The following ENPP3 variants were observed in gnomAD, a reference collection of about 807,000 sequenced individuals.
ENPP3 encodes ectonucleotide pyrophosphatase/phosphodiesterase 3.
Under a neutral mutation model 117.8 loss-of-function variants are expected in ENPP3, and 104 were observed. The observed-to-expected ratio is 0.88, with a 90% CI of 0.75 to 1.04. ENPP3 has a LOEUF of 1.04. Ranked by LOEUF, ENPP3 falls within the 50% of genes least tolerant of loss-of-function variation. The pLI, the probability that ENPP3 is intolerant of heterozygous loss-of-function variation, is 0.00. For synonymous variants in ENPP3, 380 were observed against 349.9 expected (o/e 1.09, Z -0.96); for missense variants, 1,026 against 1,051.9 (o/e 0.98, Z 0.34).
chr6:131,681,619 G>T (rs572411408), intron 11 of ENPP3, among the ~76,000 whole-genome samples: 68 of 152,136 alleles, frequency 4.5e-4, no homozygotes, highest in African/African-American at 1.5e-3. Context: ...AAGGCAGTGA[G>T]TATAAACAAT....
Position 131,652,815 on chromosome 6 carries a change from A to T in ENPP3, c.404-16A>T. 5 of 1,611,470 alleles carry T rather than the reference A, an allele frequency of 3.1e-6. No individual in the cohort carries two copies. The highest frequency in any genetic ancestry group is 4.2e-6 in the Non-Finnish European group (5 of 1,177,662). On this transcript the variant is annotated splice_polypyrimidine_tract_variant and intron_variant, in intron 4 of 24. Coordinates refer to ENST00000357639, the MANE Select transcript of ENPP3 (RefSeq NM_005021.5). Reference sequence around the variant, plus strand: ...TGCTGCAGCAAGTATCAAGATTTTGATCTTATGCTTTTCAGGAGAAACCTC... The same window carrying T: ...TGCTGCAGCAAGTATCAAGATTTTGTTCTTATGCTTTTCAGGAGAAACCTC...
chr6:131,688,279 C>T (rs1032227200), intron 14 of ENPP3, among the ~76,000 whole-genome samples: 1 of 152,162 alleles, frequency 6.6e-6, no homozygotes, highest in Non-Finnish European at 1.5e-5. Context: ...CGCTTCTGGA[C>T]TCTTCTATTC....
In ENPP3 at chr6:131,674,284, A is replaced by G. The variant is rs766815540; in HGVS notation, c.762+3A>G. The G allele has an allele frequency of 8.1e-6, 13 of 1,613,484 alleles. No homozygotes were observed. The highest frequency in any genetic ancestry group is 6.7e-5 in the Admixed American group (4 of 59,988). On this transcript the variant is annotated splice_donor_region_variant and intron_variant, in intron 8 of 24. Coordinates refer to ENST00000357639, the MANE Select transcript of ENPP3 (RefSeq NM_005021.5). ...CAGCCTGGTGGCATGGGCAACCAGTATGTAGCATTCTACACGTCGCAACTG... is the reference window on the plus strand; with the variant it reads ...CAGCCTGGTGGCATGGGCAACCAGTGTGTAGCATTCTACACGTCGCAACTG...
At chr6:131,655,266 A>G (rs898326968) in intron 5 of ENPP3, among the ~76,000 whole-genome samples, 1 of 152,232 alleles carries the variant, frequency 6.6e-6, no homozygotes, top group African/African-American at 2.4e-5. Flanking sequence ...GCTAACATTC[A>G]TATAGTTCTT....
At chr6:131,740,459 C>A in intron 24 of ENPP3, 79 bp downstream of exon 24, 1 of 1,150,436 alleles carries the variant, frequency 8.7e-7, no homozygotes, top group Non-Finnish European at 1.2e-6. Context: ...GTGGCTCTGA[C>A]TAAAACATTT....
intron 20 of ENPP3, among the ~76,000 whole-genome samples, chr6:131,730,947 C>A (rs73554737): frequency 0.028 from 4,203 of 151,340 alleles, 189 homozygotes; most frequent in African/African-American, 0.096. Flanking sequence ...ACTTCCTGGG[C>A]TGATTCTCTA....
intron 2 of ENPP3, among the ~76,000 whole-genome samples, chr6:131,642,496 C>G (rs1435790683): frequency 1.3e-5 from 2 of 152,048 alleles, no homozygotes; most frequent in Non-Finnish European, 2.9e-5. Context: ...TACCTATAAT[C>G]TTTTTACATA....
chr6:131,716,339 T>G (rs1241878383), intron 15 of ENPP3, among the ~76,000 whole-genome samples: 4 of 152,132 alleles, frequency 2.6e-5, no homozygotes, highest in Non-Finnish European at 5.9e-5. Context: ...TACTTGGAAA[T>G]AAATAGAAAA....
At chr6:131,699,235 C>CAAA (rs4053087) in intron 15 of ENPP3, among the ~76,000 whole-genome samples, 3,717 of 103,476 alleles carry the variant, frequency 0.036, 3 homozygotes, top group African/African-American at 0.052. Flanking sequence ...AAGACTGTCT[C>CAAA]AAAAAAAAAA....
At position 131,658,162 on chromosome 6, in the gene ENPP3, A is replaced by T. The variant is rs569385046; in HGVS notation, c.465-161A>T. Among the ~76,000 whole-genome samples the T allele has an allele frequency of 1.3e-3, 193 of 152,118 alleles. 1 individual carries two copies. The highest frequency in any genetic ancestry group is 1.5e-3 in the Non-Finnish European group (103 of 67,990). The stretch of plus-strand genomic sequence containing the variant: ...GAGTAAAACTGTGTCTCAAAAAAAA[A>T]AAAAAAGAAATTAAAAAAATAAAAA... On this transcript the variant is annotated intron_variant, in intron 5 of 24. Transcript: ENST00000357639.
intron 3 of ENPP3, 39 bp downstream of exon 3, chr6:131,650,188 G>A (rs1778233972): frequency 3.1e-6 from 5 of 1,610,926 alleles, no homozygotes; most frequent in South Asian, 2.2e-5. Context: ...CATGTTGCTT[G>A]TGTTACTATT....
At chr6:131,702,449 A>G (rs1430790756) in intron 15 of ENPP3, among the ~76,000 whole-genome samples, 3 of 152,016 alleles carry the variant, frequency 2.0e-5, no homozygotes, top group Non-Finnish European at 2.9e-5. Flanking sequence ...CTTTCCCACA[A>G]TGTTTAGATG....
chr6:131,652,774 TTAG>T, intron 4 of ENPP3, 54 bp from the exon 5 acceptor site: 2 of 1,588,334 alleles, frequency 1.3e-6, no homozygotes, highest in Non-Finnish European at 1.7e-6. Context: ...CGGAGAATCT[TTAG>T]TTACTCTGTC....
intron 6 of ENPP3, among the ~76,000 whole-genome samples, chr6:131,665,175 G>C (rs1233140514): frequency 6.6e-6 from 1 of 151,970 alleles, no homozygotes; most frequent in Admixed American, 6.6e-5. Context: ...GAATATTTTT[G>C]CATCTATTTT....
At chr6:131,740,043 C>T (rs1229914922) in intron 23 of ENPP3, among the ~76,000 whole-genome samples, 181 bp from the exon 24 acceptor site, 1 of 151,768 alleles carries the variant, frequency 6.6e-6, no homozygotes, top group Non-Finnish European at 1.5e-5. Context: ...AGATTTTGCA[C>T]TTAAAACTTT....
intron 24 of ENPP3, 132 bp from the exon 25 acceptor site, chr6:131,746,654 T>C: frequency 1.5e-6 from 1 of 669,782 alleles, no homozygotes; most frequent in Non-Finnish European, 2.5e-6. Flanking sequence ...AAACTAAATT[T>C]AGCTGTATCA....
At chr6:131,720,467 G>A in intron 17 of ENPP3, 88 bp downstream of exon 17, 1 of 628,442 alleles carries the variant, frequency 1.6e-6, no homozygotes, top group South Asian at 2.6e-5. Flanking sequence ...GAATCCCAGA[G>A]GCTGGATGCT....
chr6:131,651,342 C>T (rs1778258599), intron 3 of ENPP3, among the ~76,000 whole-genome samples: 1 of 152,232 alleles, frequency 6.6e-6, no homozygotes, highest in East Asian at 1.9e-4. Flanking sequence ...GTCTTATTAT[C>T]ATTTCCTCCT....
intron 21 of ENPP3, among the ~76,000 whole-genome samples, chr6:131,735,619 A>G (rs1780380059): frequency 6.6e-6 from 1 of 152,188 alleles, no homozygotes; most frequent in Non-Finnish European, 1.5e-5. Flanking sequence ...ATTAGTTAAG[A>G]TATCCAAGTA....
Sources: gnomAD v4.1 joint callset for allele counts (sites outside exome capture counted in the v4.1 genomes callset) on GRCh38, gnomAD v4.1.1 for gene constraint, MANE v1.5 for transcripts, NCBI Gene and HGNC (gene_info 2026-07-23, HGNC 2026-07-21) for gene names.